Variants in FNDC3A observed in about 807,000 individuals in gnomAD.
FNDC3A encodes fibronectin type-III domain-containing protein 3A.
FNDC3A carries 32 observed loss-of-function variants against 148.9 expected under a neutral mutation model. The ratio of observed to expected loss-of-function variants is 0.21; its 90% CI spans 0.16 to 0.29. FNDC3A has a LOEUF of 0.29. Ranked by LOEUF, FNDC3A falls within the 10% of genes least tolerant of loss-of-function variation. The pLI is 1.00. For synonymous variants in FNDC3A, 472 were observed against 473.6 expected (o/e 1.00, Z 0.04); for missense variants, 1,191 against 1,452.8 (o/e 0.82, Z 2.93).
intron 1 of FNDC3A, among the ~76,000 whole-genome samples, chr13:49,000,121 T>C (rs1289724538): frequency 2.6e-5 from 4 of 152,234 alleles, no homozygotes; most frequent in Non-Finnish European, 5.9e-5. Flanking sequence ...GCCTTTGTTA[T>C]GTGTGTTTTT....
intron 2 of FNDC3A, among the ~76,000 whole-genome samples, chr13:49,007,810 AG>A (rs1391746954): frequency 1.3e-5 from 2 of 152,152 alleles, no homozygotes; most frequent in African/African-American, 4.8e-5. Flanking sequence ...GTCTAGGGAC[AG>A]GTTTTTAGGT....
intron 11 of FNDC3A, 101 bp downstream of exon 11, chr13:49,172,197 CA>C (rs916131228): frequency 2.8e-5 from 19 of 680,404 alleles, no homozygotes; most frequent in Middle Eastern, 3.5e-4. Flanking sequence ...ATTCTTCTGT[CA>C]AAAAAAGTAT....
chr13:48,984,887 G>A lies in FNDC3A; in HGVS notation c.-40+8710G>A, dbSNP rs954504986. Among the ~76,000 whole-genome samples the A allele has an allele frequency of 1.5e-4, 23 of 152,116 alleles. 1 individual carries two copies. Among genetic ancestry groups the A allele is most frequent in the African/African-American group, 5.1e-4 (21 of 41,418 alleles). On this transcript the variant is annotated intron_variant, in intron 1 of 25. Coordinates refer to ENST00000492622, the MANE Select transcript of FNDC3A (RefSeq NM_001079673.2). ...TTTAGTAGAGACGGGGTTTCACCAT[G>A]TTGTCCAGATGGTCTCGATCTCTTG... is the stretch of plus-strand genomic sequence containing the variant.
At chr13:49,138,553 C>T (rs1882512307) in intron 6 of FNDC3A, among the ~76,000 whole-genome samples, 194 bp from the exon 7 acceptor site, 2 of 151,870 alleles carry the variant, frequency 1.3e-5, no homozygotes. Flanking sequence ...TTAGTAGTCA[C>T]AGTTAAGATA....
intron 2 of FNDC3A, among the ~76,000 whole-genome samples, chr13:49,063,866 C>CT (rs2137749504): frequency 6.6e-6 from 1 of 152,126 alleles, no homozygotes; most frequent in African/African-American, 2.4e-5. Flanking sequence ...TATAATAATT[C>CT]TTCTACTTAA....
intron 3 of FNDC3A, among the ~76,000 whole-genome samples, chr13:49,084,020 T>C (rs1161588387): frequency 6.6e-6 from 1 of 152,226 alleles, no homozygotes; most frequent in Non-Finnish European, 1.5e-5. Flanking sequence ...CACAGGCACA[T>C]AAGGTAATTG....
At chr13:49,159,345 A>T (rs1883937856) in intron 8 of FNDC3A, among the ~76,000 whole-genome samples, 1 of 152,086 alleles carries the variant, frequency 6.6e-6, no homozygotes, top group South Asian at 2.1e-4. Flanking sequence ...CATCCCTTGT[A>T]AGTTGGATTC....
chr13:49,096,376 G>A (rs2137827925), intron 3 of FNDC3A, among the ~76,000 whole-genome samples: 1 of 152,226 alleles, frequency 6.6e-6, no homozygotes, highest in African/African-American at 2.4e-5. Context: ...TTTAAAGAAT[G>A]AATTTTAATC....
chr13:49,130,291 A>G (rs183062753), intron 4 of FNDC3A, among the ~76,000 whole-genome samples: 260 of 151,780 alleles, frequency 1.7e-3, no homozygotes, highest in African/African-American at 6.1e-3. Context: ...CCTAGCTAGG[A>G]GTTAATATAG....
intron 3 of FNDC3A, among the ~76,000 whole-genome samples, chr13:49,084,239 G>C (rs1878664123): frequency 6.6e-6 from 1 of 152,036 alleles, no homozygotes; most frequent in Non-Finnish European, 1.5e-5. Context: ...CTTCCATTTT[G>C]TTTCTTTAAC....
chr13:48,999,184 A>T (rs2137583170), intron 1 of FNDC3A, among the ~76,000 whole-genome samples: 1 of 152,320 alleles, frequency 6.6e-6, no homozygotes, highest in South Asian at 2.1e-4. Context: ...CATGGGAGTG[A>T]TGCTGCCATT....
chr13:49,195,529 A>T (rs900722636), intron 19 of FNDC3A, among the ~76,000 whole-genome samples: 4 of 152,158 alleles, frequency 2.6e-5, no homozygotes, highest in Non-Finnish European at 5.9e-5. Flanking sequence ...TTAGGGCCTA[A>T]TGGTTACATT....
intron 3 of FNDC3A, among the ~76,000 whole-genome samples, chr13:49,107,526 A>T (rs1880274213): frequency 6.6e-6 from 1 of 152,204 alleles, no homozygotes; most frequent in Non-Finnish European, 1.5e-5. Context: ...GGAGGATCAG[A>T]TCAAGAGTAA....
rs181075155 is a variant in FNDC3A, at chr13:49,207,347, C to A, written c.3549C>A (p.Phe1183Leu). 24 of 1,613,172 alleles carry A rather than the reference C, an allele frequency of 1.5e-5. No individual in the cohort carries two copies. In the Middle Eastern group the frequency reaches 5.0e-4, roughly 33 times the overall value. The part of the protein sequence containing the change: ...CAAVILVLFA[F>L]FSILIAFIIQ... ...CCGTCATCCTTGTGCTGTTTGCTTT[C>A]TTTTCCATTTTGATTGCCTTTATCA... Residue 1183 changes from phenylalanine to leucine, a missense_variant, in exon 26 of 26, where the codon TTC (phenylalanine) becomes TTA (leucine). Transcript: ENST00000492622.
chr13:49,027,741 C>T (rs968420179), intron 2 of FNDC3A, among the ~76,000 whole-genome samples: 1 of 151,828 alleles, frequency 6.6e-6, no homozygotes, highest in Non-Finnish European at 1.5e-5. Context: ...TAAAATAGAA[C>T]ATCAGAACAT....
intron 2 of FNDC3A, among the ~76,000 whole-genome samples, chr13:49,053,049 C>T (rs973558967): frequency 1.1e-4 from 16 of 152,210 alleles, no homozygotes; most frequent in Non-Finnish European, 2.4e-4. Context: ...GGCCGCAGTC[C>T]TGAAGGCCAG....
rs1006349187 is a variant in FNDC3A at position 49,120,352 on chromosome 13, G to A, written c.252+5621G>A. On this transcript the variant is annotated intron_variant, in intron 4 of 25. Coordinates refer to ENST00000492622, the MANE Select transcript of FNDC3A (RefSeq NM_001079673.2). ...GCTCCTGAAGGAAGCCCTAAATATG[G>A]AAAGGAAAAACCAGTACCAGCCACT... 1.3e-4 allele frequency among the ~76,000 whole-genome samples: 20 copies of A among 152,106 alleles called. No individual in the cohort carries two copies. In the South Asian group the frequency reaches 3.5e-3, roughly 27 times the overall value.
At chr13:49,026,811 T>C (rs951227173) in intron 2 of FNDC3A, among the ~76,000 whole-genome samples, 1 of 152,190 alleles carries the variant, frequency 6.6e-6, no homozygotes, top group African/African-American at 2.4e-5. Context: ...TAATAAGATA[T>C]AAGTAGCCAA....
intron 4 of FNDC3A, among the ~76,000 whole-genome samples, chr13:49,128,966 A>G (rs1301725686): frequency 6.6e-6 from 1 of 152,140 alleles, no homozygotes; most frequent in African/African-American, 2.4e-5. Flanking sequence ...CTCCTTTCTC[A>G]CAACACTTCT....
Sources: allele counts gnomAD v4.1 joint callset (sites outside exome capture counted in the v4.1 genomes callset), GRCh38; gene constraint gnomAD v4.1.1; transcripts MANE v1.5; gene names NCBI Gene and HGNC (gene_info 2026-07-23, HGNC 2026-07-21).